Variants in PHKB observed in about 807,000 individuals in gnomAD.
PHKB encodes phosphorylase b kinase regulatory subunit beta.
Under a neutral mutation model 152.1 loss-of-function variants are expected in PHKB, and 122 were observed. The ratio of observed to expected loss-of-function variants is 0.80; its 90% CI spans 0.69 to 0.93. The LOEUF is 0.93. PHKB is among the 40% of genes least tolerant of loss of function. The pLI is 0.00. For synonymous variants in PHKB, 436 were observed against 464.9 expected (o/e 0.94, Z 0.80); for missense variants, 1,304 against 1,328.4 (o/e 0.98, Z 0.29).
At chr16:47,583,753 T>G (rs1034360424) in intron 8 of PHKB, among the ~76,000 whole-genome samples, 15 of 152,170 alleles carry the variant, frequency 9.9e-5, no homozygotes, top group Admixed American at 8.5e-4. Context: ...AAGATCAATT[T>G]GTTGGTATGG....
rs960351179 is a variant in PHKB, at chr16:47,479,107, A to G, written c.76+17681A>G. Among the ~76,000 whole-genome samples, 3 of 152,246 alleles carry G rather than the reference A, an allele frequency of 2.0e-5. No individual in the cohort carries two copies. In the East Asian group the frequency reaches 5.8e-4, roughly 29 times the overall value. ...CTGCTTCAAAATATTATGGCACTCA[A>G]TCATTGACTGTCGGGGGAGTTAGGG... On this transcript the variant is annotated intron_variant, in intron 1 of 30. Coordinates refer to ENST00000323584, the MANE Select transcript of PHKB (RefSeq NM_000293.3).
chr16:47,663,733 T>C lies in PHKB; in HGVS notation c.2335T>C (p.Trp779Arg). 6.3e-7 allele frequency: 1 copy of C among 1,584,060 alleles called. No homozygotes were observed. Among genetic ancestry groups the C allele is most frequent in the Non-Finnish European group, 8.7e-7 (1 of 1,152,632 alleles). The change falls in exon 24 of 31, where the codon TGG becomes CGG. Residue 779 changes from tryptophan (W) to arginine (R), a missense_variant and splice_region_variant. Transcript: ENST00000323584. ...TAGAAGAGCTGGCAGCCAAAAACTT[T>C]GGTTTGTATTAGTGTCCTTGTTGTT... ...VYRRAGSQKL[W>R]LAVRYGAAFT...
rs549837453 is a variant in PHKB at position 47,628,664 on chromosome 16, A to G, written c.1459-12371A>G. Among the ~76,000 whole-genome samples, 6 of 152,332 alleles carry G rather than the reference A, an allele frequency of 3.9e-5. No individual in the cohort carries two copies. The East Asian group carries it at 1.2e-3, about 29-fold the overall frequency. On this transcript the variant is annotated intron_variant, in intron 14 of 30. Transcript: ENST00000323584. Reference sequence around the variant, plus strand: ...TCGTTTTTATATTTGCTTATCAAGAACTAAAGAATTTAAAGTTCACATGGA... The same window carrying G: ...TCGTTTTTATATTTGCTTATCAAGAGCTAAAGAATTTAAAGTTCACATGGA...
chr16:47,572,162 T>A (rs1256293426), intron 7 of PHKB, among the ~76,000 whole-genome samples: 1 of 152,198 alleles, frequency 6.6e-6, no homozygotes, highest in Non-Finnish European at 1.5e-5. Context: ...GAGGGGACTT[T>A]GTGTGAGCAA....
intron 7 of PHKB, among the ~76,000 whole-genome samples, chr16:47,553,092 T>A (rs1458950591): frequency 6.6e-6 from 1 of 152,184 alleles, no homozygotes; most frequent in African/African-American, 2.4e-5. Context: ...CTTGCTAGGT[T>A]GGGGAAGTTC....
chr16:47,504,223 C>T (rs1970372559), intron 4 of PHKB, among the ~76,000 whole-genome samples: 1 of 152,236 alleles, frequency 6.6e-6, no homozygotes. Context: ...CACAGATGCA[C>T]TTCATTCCCC....
chr16:47,634,848 A>C (rs968504610), intron 14 of PHKB, among the ~76,000 whole-genome samples: 1 of 152,206 alleles, frequency 6.6e-6, no homozygotes, highest in Non-Finnish European at 1.5e-5. Context: ...GGGCCTGATA[A>C]GCAGTTTTGT....
At position 47,566,826 on chromosome 16, in the gene PHKB, T is replaced by G. The variant is rs1481907530; in HGVS notation, c.711-13469T>G. 5.5e-6 allele frequency: 4 copies of G among 722,876 alleles called. No individual in the cohort carries two copies. In the East Asian group the frequency reaches 1.0e-4, roughly 19 times the overall value. The allele number at this position is 722,876 out of a possible 1,614,324, so 44.8% of individuals were successfully genotyped here. A position where few individuals can be genotyped will look rare whatever the true frequency, so the allele number is the denominator to read the frequency against. ...AGTGCTTCCTCCACCAGTCCCTCCA[T>G]CCTCAGCCAGAGAGTCTGTTAGGGA... On this transcript the variant is annotated intron_variant, in intron 7 of 30. Coordinates refer to ENST00000323584, the MANE Select transcript of PHKB (RefSeq NM_000293.3).
At chr16:47,578,622 G>C (rs991872943) in intron 7 of PHKB, among the ~76,000 whole-genome samples, 2 of 152,066 alleles carry the variant, frequency 1.3e-5, no homozygotes, top group Admixed American at 6.6e-5. Flanking sequence ...GTTCTCATTT[G>C]GCCTCCATTT....
At chr16:47,652,868 C>G (rs2151732725) in intron 20 of PHKB, among the ~76,000 whole-genome samples, 1 of 152,290 alleles carries the variant, frequency 6.6e-6, no homozygotes, top group Middle Eastern at 3.4e-3. Flanking sequence ...GTCTCAAACT[C>G]CTGGGCTCAA....
intron 30 of PHKB, 138 bp downstream of exon 30, chr16:47,698,726 T>C: frequency 1.4e-6 from 1 of 721,052 alleles, no homozygotes; most frequent in Non-Finnish European, 2.2e-6. Context: ...TGAGGGGCAG[T>C]CTGCCTTTTT....
chr16:47,657,858 T>C (rs1437926112), intron 20 of PHKB, among the ~76,000 whole-genome samples: 2 of 152,200 alleles, frequency 1.3e-5, no homozygotes, highest in Admixed American at 6.5e-5. Context: ...TAAATCCTAT[T>C]GTCTCTATCC....
intron 6 of PHKB, among the ~76,000 whole-genome samples, chr16:47,539,444 T>G (rs1210811298): frequency 6.6e-6 from 1 of 152,116 alleles, no homozygotes; most frequent in Admixed American, 6.6e-5. Context: ...ATATCTAGTA[T>G]AAAAACAATG....
chr16:47,539,050 A>T (rs1196544855), intron 6 of PHKB, among the ~76,000 whole-genome samples: 3 of 152,226 alleles, frequency 2.0e-5, no homozygotes, highest in Admixed American at 2.0e-4. Context: ...TGTAATCAGA[A>T]CCTGTAGCCC....
At chr16:47,557,607 T>A (rs988896148) in intron 7 of PHKB, among the ~76,000 whole-genome samples, 3 of 152,186 alleles carry the variant, frequency 2.0e-5, no homozygotes, top group African/African-American at 7.2e-5. Context: ...AGAAGACATT[T>A]ATGCAGCCAA....
Position 47,689,155 on chromosome 16 carries a change from G to A in PHKB, c.2745G>A (p.Leu915=). 5.6e-6 allele frequency: 9 copies of A among 1,613,902 alleles called. No homozygotes were observed. The highest frequency in any genetic ancestry group is 7.6e-6 in the Non-Finnish European group (9 of 1,179,906). ...SEVKQLLLDI[L]QPQQNGRCWL... ...TTAAACAGCTTCTGCTGGATATTCT[G>A]CAGCCTCAACAGAATGGAAGGTAAT... is the stretch of plus-strand genomic sequence containing the variant. The change falls in exon 27 of 31, where the codon CTG becomes CTA. Residue 915 remains leucine (L), a synonymous_variant. Transcript: ENST00000323584.
chr16:47,608,353 A>G (rs745634042), intron 13 of PHKB, among the ~76,000 whole-genome samples: 3 of 152,316 alleles, frequency 2.0e-5, no homozygotes, highest in South Asian at 2.1e-4. Flanking sequence ...GATTTTATAT[A>G]TGGTGTGAGG....
At chr16:47,466,871 T>TCCGAGAA (rs1969678408) in intron 1 of PHKB, among the ~76,000 whole-genome samples, 1 of 152,168 alleles carries the variant, frequency 6.6e-6, no homozygotes, top group African/African-American at 2.4e-5. Context: ...TCTCCTGAAC[T>TCCGAGAA]CTTGTGGGTT....
intron 7 of PHKB, among the ~76,000 whole-genome samples, chr16:47,575,022 C>T (rs1349481363): frequency 6.6e-6 from 1 of 152,150 alleles, no homozygotes; most frequent in African/African-American, 2.4e-5. Context: ...GTTTTTCTTT[C>T]ACCATCAAGT....
Sources: gnomAD v4.1 joint callset for allele counts (sites outside exome capture counted in the v4.1 genomes callset) on GRCh38, gnomAD v4.1.1 for gene constraint, MANE v1.5 for transcripts, NCBI Gene and HGNC (gene_info 2026-07-23, HGNC 2026-07-21) for gene names.